PCDH15: variants seen among roughly 807,000 people sequenced by gnomAD.
PCDH15 encodes the protein protocadherin related 15, also known as protocadherin-15.
A neutral mutation model predicts 178.5 loss-of-function variants in PCDH15; 129 were observed. That is an observed-to-expected ratio of 0.72 (90% CI 0.63 to 0.84). PCDH15 has a LOEUF of 0.84. PCDH15 is among the 40% of genes least tolerant of loss of function. PCDH15 has a pLI of 0.00. For missense variants in PCDH15, 2,230 were observed against 2,099.9 expected (o/e 1.06, Z -1.21); for synonymous variants, 800 against 732.0 (o/e 1.09, Z -1.50).
intron 10 of PCDH15, among the ~76,000 whole-genome samples, chr10:54,211,526 T>C (rs576378528): frequency 6.6e-6 from 1 of 152,192 alleles, no homozygotes; most frequent in East Asian, 1.9e-4. Flanking sequence ...GCTGAATAAA[T>C]CACTGGGAGA....
At chr10:55,603,330 A>T (rs1843130983) in intron 2 of PCDH15, among the ~76,000 whole-genome samples, 1 of 150,142 alleles carries the variant, frequency 6.7e-6, no homozygotes, top group Non-Finnish European at 1.5e-5. Flanking sequence ...GCAGGATATT[A>T]TCCAGGAGAA....
chr10:55,591,451 A>G (rs987359251), intron 2 of PCDH15, among the ~76,000 whole-genome samples: 9 of 152,090 alleles, frequency 5.9e-5, no homozygotes, highest in Non-Finnish European at 1.2e-4. Flanking sequence ...AAATACATAA[A>G]TAAATAAAGT....
rs868329761 is a variant in PCDH15, at chr10:54,020,241, A to G, written c.2702T>C (p.Ile901Thr). The change falls in exon 20 of 38, where the codon ATT becomes ACT. Residue 901 changes from isoleucine (I) to threonine (T), a missense_variant. Coordinates refer to ENST00000644397, the MANE Select transcript of PCDH15 (RefSeq NM_001384140.1). ...SITFLVEAFD[I>T]YGTMPPGIAT... ...AATACCAGGTGGCATTGTTCCATAA[A>G]TATCAAAGGCCTCTACCAGAAAAGT... 6.2e-7 allele frequency: 1 copy of G among 1,613,774 alleles called. No individual in the cohort carries two copies. The highest frequency in any genetic ancestry group is 8.5e-7 in the Non-Finnish European group (1 of 1,179,764).
chr10:54,362,517 A>G (rs1393834419), intron 5 of PCDH15, among the ~76,000 whole-genome samples: 1 of 152,098 alleles, frequency 6.6e-6, no homozygotes, highest in Non-Finnish European at 1.5e-5. Context: ...ATGGCATTTT[A>G]AATGTAAATT....
intron 2 of PCDH15, among the ~76,000 whole-genome samples, chr10:55,491,341 A>G (rs1358308053): frequency 6.6e-6 from 1 of 151,702 alleles, no homozygotes; most frequent in African/African-American, 2.4e-5. Context: ...ACTGGGTCTC[A>G]CTTCTCCCAC....
intron 2 of PCDH15, among the ~76,000 whole-genome samples, chr10:55,351,037 C>G (rs71504006): frequency 0.55 from 53,534 of 97,578 alleles, 15,201 homozygotes; most frequent in African/African-American, 0.65. Flanking sequence ...CTCCCCCTCT[C>G]CCTCCTCCCC....
rs573521670 is a variant in PCDH15 at position 53,803,771 on chromosome 10, A to G, written c.*2808T>C. On this transcript the variant is annotated 3_prime_UTR_variant, in exon 38 of 38. Transcript: ENST00000644397. ...ATGCCCACAAGACCTTCTAAAATCA[A>G]CGGGTTGCAATATTAGTCATTACAT... The G allele has an allele frequency of 6.6e-5, 10 of 152,012 alleles. No individual in the cohort carries two copies. The highest frequency in any genetic ancestry group is 1.2e-4 in the Non-Finnish European group (8 of 67,860). The allele number at this position is 152,012 out of a possible 1,614,324, so 9.4% of individuals were successfully genotyped here.
chr10:53,828,008 A>T (rs757414621), intron 31 of PCDH15, among the ~76,000 whole-genome samples: 3 of 152,018 alleles, frequency 2.0e-5, no homozygotes, highest in Admixed American at 6.5e-5. Context: ...ACACATGTAC[A>T]AGGGAAATTT....
At chr10:55,572,656 A>G (rs1379037955) in intron 2 of PCDH15, among the ~76,000 whole-genome samples, 1 of 152,034 alleles carries the variant, frequency 6.6e-6, no homozygotes, top group Non-Finnish European at 1.5e-5. Context: ...GATGAAATAT[A>G]AATCACGTAA....
intron 2 of PCDH15, among the ~76,000 whole-genome samples, chr10:55,099,569 A>G (rs1842528565): frequency 6.6e-6 from 1 of 152,134 alleles, no homozygotes; most frequent in African/African-American, 2.4e-5. Context: ...ATATATTGGA[A>G]TTATCTTCAT....
chr10:54,561,995 T>A (rs1030118836), intron 2 of PCDH15, among the ~76,000 whole-genome samples: 1 of 129,206 alleles, frequency 7.7e-6, no homozygotes, highest in Admixed American at 7.9e-5. Context: ...TTTTTTTTTT[T>A]TTTTTTTTTT....
At chr10:54,793,213 C>G (rs1951603119) in intron 1 of PCDH15, among the ~76,000 whole-genome samples, 1 of 151,874 alleles carries the variant, frequency 6.6e-6, no homozygotes, top group Non-Finnish European at 1.5e-5. Context: ...TATCCCCACC[C>G]TTGGTGTCAG....
intron 2 of PCDH15, among the ~76,000 whole-genome samples, chr10:55,066,705 T>A (rs868180201): frequency 6.6e-6 from 1 of 150,966 alleles, no homozygotes; most frequent in African/African-American, 2.4e-5. Context: ...GTGTTCTCTG[T>A]ATCACATTTT....
rs186305003 is a variant in PCDH15 at position 54,342,046 on chromosome 10, T to C, written c.594+4319A>G. ...AAAAGGGAAGCAGAGAATAAAACTT[T>C]AAAGAATCTGCAGCCTGACCATGTG... On this transcript the variant is annotated intron_variant, in intron 6 of 37. Transcript: ENST00000644397. Among the ~76,000 whole-genome samples the C allele has an allele frequency of 4.4e-3, 676 of 152,322 alleles. 3 individuals are homozygous for C. Among genetic ancestry groups the C allele is most frequent in the African/African-American group, 0.015 (644 of 41,572 alleles).
chr10:55,157,385 A>T (rs539617212), intron 2 of PCDH15, among the ~76,000 whole-genome samples: 15 of 148,456 alleles, frequency 1.0e-4, no homozygotes, highest in African/African-American at 3.8e-4. Context: ...ACCATTGTGG[A>T]AGACAGTGTG....
intron 15 of PCDH15, among the ~76,000 whole-genome samples, chr10:54,125,085 A>G (rs1044231021): frequency 3.3e-5 from 5 of 152,188 alleles, no homozygotes; most frequent in African/African-American, 1.2e-4. Flanking sequence ...AAGAAAACAC[A>G]TGCTGCAAGC....
At chr10:54,508,826 A>G (rs1011008100) in intron 3 of PCDH15, among the ~76,000 whole-genome samples, 4 of 152,094 alleles carry the variant, frequency 2.6e-5, no homozygotes, top group Non-Finnish European at 5.9e-5. Context: ...CTTACCTGAA[A>G]TGCTTGGGAA....
chr10:55,068,674 C>T (rs1449693644), intron 2 of PCDH15, among the ~76,000 whole-genome samples: 1 of 151,796 alleles, frequency 6.6e-6, no homozygotes, highest in Non-Finnish European at 1.5e-5. Context: ...CTATATATTT[C>T]TTGGGGCAGT....
intron 28 of PCDH15, among the ~76,000 whole-genome samples, chr10:53,845,914 A>C (rs900317409): frequency 2.6e-5 from 4 of 151,718 alleles, no homozygotes; most frequent in Admixed American, 6.6e-5. Context: ...GAGTTGATGG[A>C]TATTCCAATT....
Sources: gnomAD v4.1 joint callset for allele counts (sites outside exome capture counted in the v4.1 genomes callset) on GRCh38, gnomAD v4.1.1 for gene constraint, MANE v1.5 for transcripts, NCBI Gene and HGNC (gene_info 2026-07-23, HGNC 2026-07-21) for gene names.